Variants in MICALL2 observed in about 807,000 individuals in gnomAD.
MICALL2 encodes MICAL-like protein 2.
Under a neutral mutation model 91.1 loss-of-function variants are expected in MICALL2, and 111 were observed. The ratio of observed to expected loss-of-function variants is 1.22; its 90% CI spans 1.04 to 1.43. The LOEUF is 1.43. Ranked by LOEUF, MICALL2 falls within the 40% of genes most tolerant of loss-of-function variation. The pLI, the probability that MICALL2 is intolerant of heterozygous loss-of-function variation, is 0.00. For synonymous variants in MICALL2, 694 were observed against 525.3 expected (o/e 1.32, Z -4.39); for missense variants, 1,556 against 1,236.0 (o/e 1.26, Z -3.88).
chr7:1,457,816 C>T (rs1781073730), intron 1 of MICALL2, among the ~76,000 whole-genome samples: 1 of 152,252 alleles, frequency 6.6e-6, no homozygotes, highest in Admixed American at 6.5e-5. Context: ...AGCTTGGATG[C>T]CTGGGCTCAG....
chr7:1,441,989 C>T (rs1422037898), intron 7 of MICALL2: 5 of 652,466 alleles, frequency 7.7e-6, no homozygotes, highest in Non-Finnish European at 1.3e-5. Context: ...ACAGCATAGC[C>T]CTGAGGACAT....
intron 9 of MICALL2, 99 bp downstream of exon 9, chr7:1,439,826 C>T (rs923794398): frequency 4.6e-6 from 5 of 1,098,028 alleles, no homozygotes; most frequent in Non-Finnish European, 6.1e-6. Context: ...TCTCCGCACA[C>T]CCCAGGAGGT....
At chr7:1,453,113 C>T (rs1300845793) in intron 1 of MICALL2, among the ~76,000 whole-genome samples, 4 of 151,950 alleles carry the variant, frequency 2.6e-5, no homozygotes, top group Non-Finnish European at 5.9e-5. Flanking sequence ...CCACCAACAT[C>T]GCCAGGTGGA....
chr7:1,440,457 A>C (rs777328404), intron 8 of MICALL2, 134 bp downstream of exon 8: 69 of 798,088 alleles, frequency 8.6e-5, no homozygotes, highest in Non-Finnish European at 1.3e-4. Flanking sequence ...GGCAGGGGTG[A>C]CCTGGCCTCT....
chr7:1,449,112 G>A (rs764083789), intron 2 of MICALL2, among the ~76,000 whole-genome samples: 14 of 152,214 alleles, frequency 9.2e-5, no homozygotes, highest in Non-Finnish European at 1.6e-4. Context: ...GGCTGACATT[G>A]CTGAGCCCTC....
rs778623547 is a variant in MICALL2, at chr7:1,445,032, C to T, written c.1038G>A (p.Met346Ile). Residue 346 changes from methionine to isoleucine, a missense_variant, in exon 6 of 17, where the codon ATG becomes ATA. By Grantham distance (10) the Met-to-Ile change is conservative. Coordinates refer to ENST00000297508, the MANE Select transcript of MICALL2 (RefSeq NM_182924.4). ...TGCACGGGGCAGCTGACGACCAGCC[C>T]ATCGGGGAGCTATTGGTCACACGAG... ...VRPRVTNSSP[M>I]GWSSAAPCTA... The T allele has an allele frequency of 1.4e-5, 22 of 1,532,994 alleles. No homozygotes were observed. The African/African-American group carries it at 2.7e-4, about 19-fold the overall frequency. 95.0% of individuals were successfully genotyped at this position (1,532,994 alleles called of 1,614,324 possible).
intron 6 of MICALL2, among the ~76,000 whole-genome samples, chr7:1,443,463 T>G (rs1455202923): frequency 6.6e-6 from 1 of 152,186 alleles, no homozygotes; most frequent in East Asian, 1.9e-4. Flanking sequence ...ACTCGCTAAG[T>G]GACTGTACTT....
At chr7:1,439,844 C>G in intron 9 of MICALL2, 81 bp downstream of exon 9, 4 of 1,237,830 alleles carry the variant, frequency 3.2e-6, no homozygotes, top group Non-Finnish European at 4.3e-6. Context: ...GGTGGCACTA[C>G]AGGTCCAGTC....
chr7:1,440,820 G>C (rs1415725324), intron 7 of MICALL2, 136 bp from the exon 8 acceptor site: 3 of 702,520 alleles, frequency 4.3e-6, no homozygotes, highest in Non-Finnish European at 7.4e-6. Flanking sequence ...AGCCGGCCGG[G>C]GGGCATCAGG....
intron 2 of MICALL2, 32 bp from the exon 3 acceptor site, chr7:1,448,793 G>C: frequency 6.2e-7 from 1 of 1,609,046 alleles, no homozygotes; most frequent in African/African-American, 1.3e-5. Flanking sequence ...CAGCGGGGCA[G>C]CTGGGAGCCC....
At position 1,442,300 on chromosome 7, in the gene MICALL2, C is replaced by T; in HGVS notation, c.1603G>A (p.Gly535Ser). ...TSQASALPPA[G>S]RRNLAESSGV... ...GAGGATTCCGCCAAGTTCCTCCTGC[C>T]TGCCGGGGGCAACGCGGATGCCTGA... The change falls in exon 7 of 17, where the codon GGC becomes AGC. Residue 535 changes from glycine (G) to serine (S), a missense_variant. Coordinates refer to ENST00000297508, the MANE Select transcript of MICALL2 (RefSeq NM_182924.4). 1 of 1,613,166 alleles carries T rather than the reference C, an allele frequency of 6.2e-7. No homozygotes were observed. The highest frequency in any genetic ancestry group is 8.5e-7 in the Non-Finnish European group (1 of 1,179,942).
rs368832589 is a variant in MICALL2 at position 1,438,362 on chromosome 7, G to A, written c.2123-9C>T. On this transcript the variant is annotated splice_polypyrimidine_tract_variant and intron_variant, in intron 10 of 16. Transcript: ENST00000297508. ...CGGGGACAAGGGTCTCCCTGGAGAA[G>A]GAGCAGGGTGAGCCTCTGGGACCTG... 3.7e-5 allele frequency: 59 copies of A among 1,597,230 alleles called. No homozygotes were observed. In the African/African-American group the frequency reaches 7.2e-4, roughly 20 times the overall value.
At chr7:1,436,925 C>T in intron 14 of MICALL2, 69 bp from the exon 15 acceptor site, 1 of 1,177,986 alleles carries the variant, frequency 8.5e-7, no homozygotes, top group Non-Finnish European at 1.2e-6. Context: ...CACAATGTCC[C>T]CACCACCCAA....
chr7:1,436,802 T>TA lies in MICALL2; in HGVS notation c.2530dup (p.Tyr844LeufsTer10). ...ACTGCGGTCGTTCACGGTGCTCACG[T>TA]ACTGCTCCAGCAGCTCCTGCTCCCG... is the stretch of plus-strand genomic sequence containing the variant. On this transcript the variant is annotated frameshift_variant, in exon 15 of 17. Transcript: ENST00000297508. LOFTEE classifies it high-confidence loss of function. 1 of 1,608,446 alleles carries TA rather than the reference T, an allele frequency of 6.2e-7. No individual in the cohort carries two copies. The highest frequency in any genetic ancestry group is 8.5e-7 in the Non-Finnish European group (1 of 1,178,516).
Position 1,459,244 on chromosome 7 carries a change from G to T in MICALL2, c.83C>A (p.Thr28Lys). ...GAAAGCCAGGCCGTCGCGGAACGAC[G>T]TGGTCATGTTGCAGATATTCACGTC... ...YRDVNICNMTTSFRDGLAFCA... is the reference protein window; with the variant it reads ...YRDVNICNMTKSFRDGLAFCA... The change falls in exon 1 of 17, where the codon ACG becomes AAG. Residue 28 changes from threonine (T) to lysine (K), a missense_variant. Coordinates refer to ENST00000297508, the MANE Select transcript of MICALL2 (RefSeq NM_182924.4). The T allele has an allele frequency of 6.2e-7, 1 of 1,611,304 alleles. No homozygotes were observed. The highest frequency in any genetic ancestry group is 8.5e-7 in the Non-Finnish European group (1 of 1,179,144).
rs1584231047 is a variant in MICALL2, at chr7:1,451,080, C to T, written c.144-792G>A. Among the ~76,000 whole-genome samples, 1 of 152,112 alleles carries T rather than the reference C, an allele frequency of 6.6e-6. No individual in the cohort carries two copies. The highest frequency in any genetic ancestry group is 2.1e-4 in the South Asian group (1 of 4,836). On this transcript the variant is annotated intron_variant, in intron 1 of 16. Transcript: ENST00000297508. The surrounding 1 kb of genome is among the most constrained non-coding windows in gnomAD (Gnocchi z 4.5). The stretch of plus-strand genomic sequence containing the variant: ...CCTTCCCAGGTGCTCAGCGAGGGCC[C>T]AGCCTCACCCCTGACTCGCACACTA...
chr7:1,440,602 G>A lies in MICALL2; in HGVS notation c.1794C>T (p.Ser598=), dbSNP rs747815727. 17 of 1,612,786 alleles carry A rather than the reference G, an allele frequency of 1.1e-5. No homozygotes were observed. In the Admixed American group the frequency reaches 2.8e-4, roughly 27 times the overall value. The change falls in exon 8 of 17, where the codon AGC becomes AGT. Residue 598 remains serine (S), a synonymous_variant. Coordinates refer to ENST00000297508, the MANE Select transcript of MICALL2 (RefSeq NM_182924.4). ...CACCCATCCCTAACCTCTCAGCTGG[G>A]CTTCTCCTGTCCACGGGCTTCAGAT... ...RANLKPVDRR[S]PAERTLKPKE...
intron 2 of MICALL2, 130 bp from the exon 3 acceptor site, chr7:1,448,891 G>T: frequency 8.9e-7 from 1 of 1,122,232 alleles, no homozygotes; most frequent in Non-Finnish European, 1.3e-6. Context: ...CCGGAGCTGA[G>T]TTCTGCTCGC....
intron 14 of MICALL2, 74 bp from the exon 15 acceptor site, chr7:1,436,930 A>C: frequency 4.6e-6 from 5 of 1,097,424 alleles, no homozygotes; most frequent in Non-Finnish European, 6.2e-6. Flanking sequence ...TGTCCCCACC[A>C]CCCAAGCGCC....
Sources: gnomAD v4.1 joint callset for allele counts (sites outside exome capture counted in the v4.1 genomes callset) on GRCh38, gnomAD v4.1.1 for gene constraint, Gnocchi (gnomAD v3.1) non-coding constraint, MANE v1.5 for transcripts, NCBI Gene and HGNC (gene_info 2026-07-23, HGNC 2026-07-21) for gene names.